Variants in ACO2 observed in about 807,000 individuals in gnomAD.
ACO2 encodes aconitase 2, also known as aconitate hydratase, mitochondrial.
In ACO2, 31 loss-of-function variants were observed where a neutral mutation model predicts 84.5. The observed-to-expected ratio is 0.37, with a 90% confidence interval of 0.28 to 0.50. The LOEUF (loss-of-function observed/expected upper bound fraction) is 0.50. ACO2 is among the 20% of genes least tolerant of loss of function. The pLI is 0.97. For synonymous variants in ACO2, 414 were observed against 412.7 expected (o/e 1.00, Z -0.04); for missense variants, 685 against 1,029.3 (o/e 0.67, Z 4.58).
At chr22:41,479,512 A>C (rs887415803) in intron 1 of ACO2, among the ~76,000 whole-genome samples, 1 of 152,204 alleles carries the variant, frequency 6.6e-6, no homozygotes, top group African/African-American at 2.4e-5. Flanking sequence ...GCTTTTTACC[A>C]GTCAGCCAAA....
intron 9 of ACO2, among the ~76,000 whole-genome samples, chr22:41,521,106 T>C (rs887485676): frequency 4.0e-5 from 6 of 151,330 alleles, no homozygotes; most frequent in Admixed American, 3.3e-4. Context: ...GAAAAATATG[T>C]TTATTGTAGA....
At chr22:41,519,726 T>A (rs1036990116) in intron 8 of ACO2, among the ~76,000 whole-genome samples, 2 of 150,506 alleles carry the variant, frequency 1.3e-5, no homozygotes, top group Admixed American at 6.6e-5. Flanking sequence ...AAGAATGGTG[T>A]GAACCCGAGA....
intron 1 of ACO2, among the ~76,000 whole-genome samples, chr22:41,489,233 A>G (rs907475992): frequency 2.6e-5 from 4 of 152,130 alleles, no homozygotes; most frequent in African/African-American, 7.2e-5. Context: ...TTGTGGAGAC[A>G]GGGTCTCACT....
At chr22:41,479,197 G>A (rs557769572) in intron 1 of ACO2, among the ~76,000 whole-genome samples, 12 of 152,288 alleles carry the variant, frequency 7.9e-5, no homozygotes, top group South Asian at 2.1e-4. Context: ...TCAGCCACCC[G>A]TCCTGGAACA....
intron 6 of ACO2, chr22:41,517,323 C>G: frequency 3.6e-6 from 2 of 553,830 alleles, no homozygotes; most frequent in Admixed American, 5.6e-5. Context: ...GGGCCCTGAG[C>G]TCTGATCCCC....
At chr22:41,518,698 C>A (rs1434816391) in intron 8 of ACO2, 126 bp downstream of exon 8, 2 of 743,812 alleles carry the variant, frequency 2.7e-6, no homozygotes, top group South Asian at 1.4e-5. Flanking sequence ...CTTTGGGAGG[C>A]CAAGGCAGGT....
chr22:41,522,892 A>G lies in ACO2; in HGVS notation c.1201A>G (p.Lys401Glu). 5.0e-6 allele frequency: 8 copies of G among 1,614,222 alleles called. No individual in the cohort carries two copies. The highest frequency in any genetic ancestry group is 5.9e-6 in the Non-Finnish European group (7 of 1,180,040). ...TATGGGGCGCTCAGCAGCTGTGGCC[A>G]AGCAGGCACTGGCCCATGGCCTCAA... ...EDMGRSAAVA[K>E]QALAHGLKCK... Residue 401 changes from lysine to glutamate, a missense_variant, in exon 10 of 18, where the codon AAG (lysine) becomes GAG (glutamate). Physicochemically the swap from Lys to Glu is moderately conservative, Grantham distance 56. Around this residue, in one of 5 missense-constraint regions of ACO2, gnomAD observed 311 missense variants for 441.6 expected, o/e 0.70. Transcript: ENST00000216254.
Position 41,515,895 on chromosome 22 carries a change from T to C in ACO2, c.813T>C (p.Gly271=), listed in dbSNP as rs1407444782. 3.1e-6 allele frequency: 5 copies of C among 1,614,038 alleles called. No homozygotes were observed. The highest frequency in any genetic ancestry group is 3.4e-6 in the Non-Finnish European group (4 of 1,180,008). Reference sequence around the variant, plus strand: ...CAATCGTGGAATACCACGGGCCTGGTGTAGACTCCATCTCCTGCACTGGTG... The same window carrying C: ...CAATCGTGGAATACCACGGGCCTGGCGTAGACTCCATCTCCTGCACTGGTG... The part of the protein sequence containing the change: ...TGAIVEYHGP[G]VDSISCTGMA... Residue 271 remains glycine, a synonymous_variant, in exon 6 of 18, where the codon GGT becomes GGC. Coordinates refer to ENST00000216254, the MANE Select transcript of ACO2 (RefSeq NM_001098.3). The surrounding 1 kb of genome is among the most constrained non-coding windows in gnomAD (Gnocchi z 5.8).
rs2066512538 is a variant in ACO2, at chr22:41,520,265, A to G, written c.1127A>G (p.Asp376Gly). 1.2e-6 allele frequency: 2 copies of G among 1,613,540 alleles called. No individual in the cohort carries two copies. The highest frequency in any genetic ancestry group is 1.7e-6 in the Non-Finnish European group (2 of 1,179,666). The change falls in exon 9 of 18, where the codon GAC becomes GGC. Residue 376 changes from aspartate (D) to glycine (G), a missense_variant. Coordinates refer to ENST00000216254, the MANE Select transcript of ACO2 (RefSeq NM_001098.3). ...KVAEKEGWPL[D>G]IRVGLIGSCT... ...GCAGAGAAGGAAGGATGGCCTCTGG[A>G]CATCCGAGTGGGTGAGCACCTTCCA...
In ACO2 at chr22:41,496,960, G is replaced by A. The variant is rs143785392; in HGVS notation, c.37-2766G>A. Among the ~76,000 whole-genome samples the A allele has an allele frequency of 1.3e-4, 20 of 152,302 alleles. 1 individual carries two copies. The East Asian group carries it at 3.9e-3, about 29-fold the overall frequency. The stretch of plus-strand genomic sequence containing the variant: ...TTATATATCCAGGTGACATACAGAA[G>A]GGAGCCTGGGGCAGTGGCTTCAGCT... On this transcript the variant is annotated intron_variant, in intron 1 of 17. Coordinates refer to ENST00000216254, the MANE Select transcript of ACO2 (RefSeq NM_001098.3).
At chr22:41,519,341 A>G (rs1379385139) in intron 8 of ACO2, among the ~76,000 whole-genome samples, 3 of 152,168 alleles carry the variant, frequency 2.0e-5, no homozygotes, top group Non-Finnish European at 2.9e-5. Context: ...TAGCCTCTGT[A>G]GGCCCCTTGC....
At chr22:41,526,619 G>C (rs2066602678) in intron 15 of ACO2, 166 bp downstream of exon 15, 1 of 667,804 alleles carries the variant, frequency 1.5e-6, no homozygotes, top group South Asian at 2.5e-5. Context: ...CCCTGTGGCT[G>C]AGAAGGCATG....
At chr22:41,495,048 G>T (rs1263120120) in intron 1 of ACO2, among the ~76,000 whole-genome samples, 1 of 150,052 alleles carries the variant, frequency 6.7e-6, no homozygotes, top group African/African-American at 2.5e-5. Context: ...TTGTTTTGAG[G>T]CAAGGTCTTG....
intron 2 of ACO2, among the ~76,000 whole-genome samples, chr22:41,504,371 G>A (rs1221783328): frequency 6.6e-6 from 1 of 152,232 alleles, no homozygotes. Context: ...CATCTGGAGA[G>A]CAGAGGGACA....
intron 8 of ACO2, among the ~76,000 whole-genome samples, chr22:41,518,814 C>G (rs2066496389): frequency 1.3e-5 from 2 of 152,048 alleles, no homozygotes; most frequent in African/African-American, 4.8e-5. Flanking sequence ...GGCATAGTGC[C>G]ATGTGCCTAT....
At chr22:41,489,543 T>C (rs990613639) in intron 1 of ACO2, among the ~76,000 whole-genome samples, 1 of 152,188 alleles carries the variant, frequency 6.6e-6, no homozygotes. Flanking sequence ...CATTGACTCT[T>C]TGAAGAGACC....
intron 1 of ACO2, among the ~76,000 whole-genome samples, chr22:41,498,514 C>T (rs909196718): frequency 1.3e-4 from 20 of 152,258 alleles, no homozygotes; most frequent in African/African-American, 3.4e-4. Context: ...AGATGTCAGC[C>T]GGGGCTAGCC....
chr22:41,512,331 G>A (rs1436288232), intron 4 of ACO2: 2 of 202,246 alleles, frequency 9.9e-6, no homozygotes, highest in African/African-American at 2.4e-5. Flanking sequence ...ACCCCTTGTG[G>A]CATGCATCAC....
In ACO2 at chr22:41,469,247, T is replaced by TGGGCGAGGCA. The variant is rs2037908691; in HGVS notation, c.36+75_36+84dup. 13 of 1,564,936 alleles carry TGGGCGAGGCA rather than the reference T, an allele frequency of 8.3e-6. No individual in the cohort carries two copies. The South Asian group carries it at 9.3e-5, about 11-fold the overall frequency. ...GTGCCTCCTACTGTGCCGGCGGCTGTGGGCGAGGCAGGGCGAGGCGGGCCC... is the reference window on the plus strand; with the variant it reads ...GTGCCTCCTACTGTGCCGGCGGCTGTGGGCGAGGCAGGGCGAGGCAGGGCGAGGCGGGCCC... On this transcript the variant is annotated intron_variant, in intron 1 of 17. Transcript: ENST00000216254.
Sources: allele counts gnomAD v4.1 joint callset (sites outside exome capture counted in the v4.1 genomes callset), GRCh38; gene constraint gnomAD v4.1.1; regional missense constraint gnomAD v4.1.1; non-coding constraint Gnocchi (gnomAD v3.1); transcripts MANE v1.5; gene names NCBI Gene and HGNC (gene_info 2026-07-23, HGNC 2026-07-21).